AMOTL1: variants seen among roughly 807,000 people sequenced by gnomAD.
AMOTL1 encodes the protein angiomotin like 1.
AMOTL1 carries 45 observed loss-of-function variants against 102.9 expected under a neutral mutation model. The observed-to-expected ratio is 0.44, with a 90% CI of 0.34 to 0.56. The LOEUF (loss-of-function observed/expected upper bound fraction) is 0.56, where lower values mean the gene tolerates loss of function less well. AMOTL1 is among the 20% of genes least tolerant of loss of function. AMOTL1 has a pLI of 0.01. For synonymous variants in AMOTL1, 481 were observed against 484.7 expected, an observed-to-expected ratio of 0.99 and a Z score of 0.10; for missense variants, 1,114 against 1,225.6, an observed-to-expected ratio of 0.91 and a Z score of 1.36.
chr11:94,732,381 ACC>A (rs1251050029), intron 2 of AMOTL1, among the ~76,000 whole-genome samples: 2 of 152,098 alleles, frequency 1.3e-5, no homozygotes, highest in Non-Finnish European at 2.9e-5. Flanking sequence ...CTAGCTGTGA[ACC>A]CAGGATGTTT....
chr11:94,843,930 C>A (rs1207525769), intron 6 of AMOTL1, among the ~76,000 whole-genome samples: 4 of 152,118 alleles, frequency 2.6e-5, no homozygotes, highest in Non-Finnish European at 5.9e-5. Context: ...CAGTGCTGGA[C>A]TTGGGGCTCT....
At chr11:94,845,274 A>G (rs1054354995) in intron 6 of AMOTL1, among the ~76,000 whole-genome samples, 1 of 152,358 alleles carries the variant, frequency 6.6e-6, no homozygotes, top group South Asian at 2.1e-4. Context: ...GAAAGGGGAC[A>G]TCTTTGAATT....
chr11:94,777,394 A>G (rs902734413), intron 1 of AMOTL1, among the ~76,000 whole-genome samples: 6 of 152,206 alleles, frequency 3.9e-5, no homozygotes, highest in African/African-American at 1.4e-4. Flanking sequence ...AAACTGAAGA[A>G]TAGAGTCTAA....
At chr11:94,773,500 G>A (rs1218669109) in intron 1 of AMOTL1, among the ~76,000 whole-genome samples, 1 of 152,168 alleles carries the variant, frequency 6.6e-6, no homozygotes, top group Non-Finnish European at 1.5e-5. Context: ...CAGATTAGGG[G>A]TGTGGCATGT....
intron 7 of AMOTL1, among the ~76,000 whole-genome samples, chr11:94,851,289 G>A (rs1952532979): frequency 6.6e-6 from 1 of 152,182 alleles, no homozygotes; most frequent in Non-Finnish European, 1.5e-5. Flanking sequence ...CCATCTCCAT[G>A]AGTGGAGCTA....
chr11:94,721,866 C>T (rs146723724), intron 1 of AMOTL1, among the ~76,000 whole-genome samples: 1 of 152,238 alleles, frequency 6.6e-6, no homozygotes, highest in East Asian at 1.9e-4. Context: ...GTGATGTTTT[C>T]ACCTGTTCGG....
chr11:94,734,679 C>T (rs944218850), intron 2 of AMOTL1, among the ~76,000 whole-genome samples: 15 of 152,126 alleles, frequency 9.9e-5, no homozygotes, highest in Admixed American at 3.3e-4. Flanking sequence ...GGAGGAGGAG[C>T]GGGTATTGCT....
chr11:94,707,650 T>A (rs74645918), intron 1 of AMOTL1, among the ~76,000 whole-genome samples: 2,336 of 152,262 alleles, frequency 0.015, 58 homozygotes, highest in African/African-American at 0.053. Context: ...TGCCTGGTTA[T>A]ACATTCACCT....
chr11:94,722,363 A>G (rs1950187491), intron 1 of AMOTL1, among the ~76,000 whole-genome samples: 1 of 152,164 alleles, frequency 6.6e-6, no homozygotes, highest in African/African-American at 2.4e-5. Flanking sequence ...CACTTCCAGA[A>G]GTGTATCTAC....
chr11:94,707,008 G>A (rs769037929), intron 1 of AMOTL1, among the ~76,000 whole-genome samples: 9 of 152,084 alleles, frequency 5.9e-5, no homozygotes, highest in Non-Finnish European at 1.2e-4. Flanking sequence ...GCAGCTCTCT[G>A]GAGAGCCTTG....
At chr11:94,820,814 C>T (rs1322302712) in intron 3 of AMOTL1, among the ~76,000 whole-genome samples, 1 of 152,092 alleles carries the variant, frequency 6.6e-6, no homozygotes, top group African/African-American at 2.4e-5. Flanking sequence ...ACCTAGATCC[C>T]CTGCATGCAC....
chr11:94,859,590 G>A lies in AMOTL1; in HGVS notation c.2010G>A (p.Val670=). 1 of 1,613,918 alleles carries A rather than the reference G, an allele frequency of 6.2e-7. No homozygotes were observed. Among genetic ancestry groups the A allele is most frequent in the South Asian group, 1.1e-5 (1 of 91,058 alleles). ...ATGCCCCAGCCCTCCTGGAACTTGT[G>A]CGGGAGAAGGAGGAGCGGATCCTGG... The part of the protein sequence containing the change: ...EYNAPALLEL[V]REKEERILAL... The change falls in exon 9 of 13, where the codon GTG becomes GTA. Residue 670 remains valine, a synonymous_variant. Transcript: ENST00000433060.
chr11:94,858,967 T>C (rs1226371075), intron 8 of AMOTL1, among the ~76,000 whole-genome samples: 8 of 152,192 alleles, frequency 5.3e-5, no homozygotes, highest in Admixed American at 5.2e-4. Flanking sequence ...TGATTCTCAT[T>C]CTCAGGCCTC....
At chr11:94,782,576 T>C (rs1951128994) in intron 1 of AMOTL1, among the ~76,000 whole-genome samples, 1 of 152,218 alleles carries the variant, frequency 6.6e-6, no homozygotes, top group East Asian at 1.9e-4. Flanking sequence ...TAGATTTTAA[T>C]GTAATACAGT....
At chr11:94,729,532 A>G (rs1050175904) in intron 2 of AMOTL1, among the ~76,000 whole-genome samples, 1 of 152,190 alleles carries the variant, frequency 6.6e-6, no homozygotes, top group Non-Finnish European at 1.5e-5. Flanking sequence ...TTATCCAATT[A>G]ATGTGACTCA....
chr11:94,873,651 AG>A lies in AMOTL1; in HGVS notation c.*2858del. On this transcript the variant is annotated 3_prime_UTR_variant, in exon 13 of 13. Transcript: ENST00000433060. ...TGAAATCTCACAGCCAGGAGAAGCT[AG>A]GATGATTTAAAACAAAGTTTGGAGA... is the stretch of plus-strand genomic sequence containing the variant. 1 of 152,360 alleles carries A rather than the reference AG, an allele frequency of 6.6e-6. No homozygotes were observed. The highest frequency in any genetic ancestry group is 2.1e-4 in the South Asian group (1 of 4,828). 9.4% of individuals were successfully genotyped at this position (152,360 alleles called of 1,614,324 possible).
At chr11:94,713,444 T>C (rs1430908132) in intron 1 of AMOTL1, among the ~76,000 whole-genome samples, 2 of 151,962 alleles carry the variant, frequency 1.3e-5, no homozygotes, top group Non-Finnish European at 2.9e-5. Context: ...GGAATCCTGT[T>C]AGACATGTAG....
At chr11:94,741,981 T>C (rs917115077) in intron 3 of AMOTL1, among the ~76,000 whole-genome samples, 5 of 152,194 alleles carry the variant, frequency 3.3e-5, no homozygotes, top group African/African-American at 4.8e-5. Context: ...AAGAATGTCC[T>C]CATCAAGTCC....
At chr11:94,769,805 T>C (rs1449851037) in intron 1 of AMOTL1, among the ~76,000 whole-genome samples, 1 of 152,124 alleles carries the variant, frequency 6.6e-6, no homozygotes, top group Non-Finnish European at 1.5e-5. Flanking sequence ...TCCCATTTTC[T>C]TCTCCTGAGG....
Sources: gnomAD v4.1 joint callset for allele counts (sites outside exome capture counted in the v4.1 genomes callset) on GRCh38, gnomAD v4.1.1 for gene constraint, MANE v1.5 for transcripts, NCBI Gene and HGNC (gene_info 2026-07-23, HGNC 2026-07-21) for gene names.